KAZN: variants seen among roughly 807,000 people sequenced by gnomAD.
KAZN encodes the protein kazrin, periplakin interacting protein.
Under a neutral mutation model 87.4 loss-of-function variants are expected in KAZN, and 40 were observed. The observed-to-expected ratio is 0.46, with a 90% CI of 0.36 to 0.60. The LOEUF (loss-of-function observed/expected upper bound fraction) is 0.60. Among genes scored for constraint, KAZN ranks in the 20% least tolerant of loss-of-function variants. KAZN has a pLI of 0.00. For missense variants in KAZN, 898 were observed against 1,073.9 expected (o/e 0.84, Z 2.29); for synonymous variants, 466 against 458.3 (o/e 1.02, Z -0.22).
intron 1 of KAZN, among the ~76,000 whole-genome samples, chr1:14,742,411 T>C (rs1333487206): frequency 6.6e-6 from 1 of 152,208 alleles, no homozygotes; most frequent in African/African-American, 2.4e-5. Flanking sequence ...AACTACCATA[T>C]GCCAGAGATG....
chr1:13,984,366 G>C (rs1460731141), intron 1 of KAZN, among the ~76,000 whole-genome samples: 1 of 152,214 alleles, frequency 6.6e-6, no homozygotes, highest in African/African-American at 2.4e-5. Flanking sequence ...GCAATGGGCT[G>C]TTCTTTACTG....
intron 1 of KAZN, among the ~76,000 whole-genome samples, chr1:14,862,501 G>A (rs977417662): frequency 6.6e-6 from 1 of 152,166 alleles, no homozygotes; most frequent in Non-Finnish European, 1.5e-5. Flanking sequence ...TGCCAGTGGT[G>A]ACTTTCAAAC....
intron 1 of KAZN, among the ~76,000 whole-genome samples, chr1:14,615,256 G>A (rs1167432746): frequency 1.3e-5 from 2 of 152,190 alleles, no homozygotes; most frequent in Non-Finnish European, 2.9e-5. Flanking sequence ...GGAGGGAAGA[G>A]CAGCAGAGGA....
chr1:14,012,124 T>C (rs1417507305), intron 1 of KAZN, among the ~76,000 whole-genome samples: 1 of 151,566 alleles, frequency 6.6e-6, no homozygotes, highest in East Asian at 2.0e-4. Flanking sequence ...TAGGACTTTT[T>C]TGTATGGTTG....
chr1:14,534,557 A>G (rs190681395), intron 2 of KAZN, among the ~76,000 whole-genome samples: 2 of 152,262 alleles, frequency 1.3e-5, no homozygotes, highest in East Asian at 3.9e-4. Context: ...AGGCAGGAGA[A>G]TCACTTGAAC....
intron 2 of KAZN, among the ~76,000 whole-genome samples, chr1:14,419,007 G>C (rs1171850076): frequency 1.3e-5 from 2 of 152,166 alleles, no homozygotes; most frequent in African/African-American, 2.4e-5. Flanking sequence ...GGATACAACT[G>C]TCAACGAGTG....
chr1:14,678,885 A>T (rs1640401907), intron 1 of KAZN, among the ~76,000 whole-genome samples: 1 of 152,250 alleles, frequency 6.6e-6, no homozygotes, highest in Non-Finnish European at 1.5e-5. Flanking sequence ...AATAGGACCG[A>T]AAAAGGGCAT....
rs1033864746 is a variant in KAZN, at chr1:14,806,848, T to C, written c.227-153836T>C. Among the ~76,000 whole-genome samples, 74 of 152,182 alleles carry C rather than the reference T, an allele frequency of 4.9e-4. 1 individual carries two copies. Among genetic ancestry groups the C allele is most frequent in the African/African-American group, 1.7e-3 (72 of 41,442 alleles). ...ATCCAGATAGTCTGGGTAACATTTGTACCCACTCTGCAGGAGCATGTGGAA... is the reference window on the plus strand; with the variant it reads ...ATCCAGATAGTCTGGGTAACATTTGCACCCACTCTGCAGGAGCATGTGGAA... On this transcript the variant is annotated intron_variant, in intron 1 of 14. Coordinates refer to ENST00000376030, the MANE Select transcript of KAZN (RefSeq NM_201628.3).
intron 1 of KAZN, among the ~76,000 whole-genome samples, chr1:13,943,759 A>G (rs1251489849): frequency 6.6e-6 from 1 of 152,150 alleles, no homozygotes; most frequent in African/African-American, 2.4e-5. Flanking sequence ...TGGTATATAC[A>G]AATGGCTAAT....
At chr1:14,654,105 G>A (rs1638626898) in intron 1 of KAZN, among the ~76,000 whole-genome samples, 1 of 152,094 alleles carries the variant, frequency 6.6e-6, no homozygotes, top group Admixed American at 6.5e-5. Context: ...GGCCAACATG[G>A]TGAAACCCCT....
At chr1:14,170,878 T>C (rs991685331) in intron 1 of KAZN, among the ~76,000 whole-genome samples, 7 of 152,148 alleles carry the variant, frequency 4.6e-5, no homozygotes, top group Non-Finnish European at 1.0e-4. Flanking sequence ...CCTGCCACCA[T>C]GCCCAGCTGA....
chr1:14,154,997 T>TTCCTTCC (rs1570891584), intron 1 of KAZN, among the ~76,000 whole-genome samples: 3 of 65,762 alleles, frequency 4.6e-5, no homozygotes, highest in East Asian at 8.7e-4. Context: ...TTCCTTCCTT[T>TTCCTTCC]TTCTGATGTG....
intron 1 of KAZN, among the ~76,000 whole-genome samples, chr1:14,722,046 T>C (rs950850845): frequency 2.6e-5 from 4 of 151,874 alleles, no homozygotes; most frequent in Non-Finnish European, 5.9e-5. Flanking sequence ...TCTCAGCTAC[T>C]TGGGAGGCTG....
chr1:13,934,433 T>C (rs962267078), intron 1 of KAZN, among the ~76,000 whole-genome samples: 2 of 152,188 alleles, frequency 1.3e-5, no homozygotes, highest in Admixed American at 6.5e-5. Context: ...TTTAATGTCA[T>C]TGTGCTTTTG....
At chr1:14,097,979 G>A (rs1644165643) in intron 1 of KAZN, among the ~76,000 whole-genome samples, 1 of 152,042 alleles carries the variant, frequency 6.6e-6, no homozygotes, top group Non-Finnish European at 1.5e-5. Context: ...AATATGCCAA[G>A]CCATTTGGAG....
rs534929869 is a variant in KAZN at position 15,068,624 on chromosome 1, G to T, written c.1222+2871G>T. On this transcript the variant is annotated intron_variant, in intron 8 of 14. Coordinates refer to ENST00000376030, the MANE Select transcript of KAZN (RefSeq NM_201628.3). ...TCAGGGAGATAGAGAGGGAGCCACAGGCTTCCTTGATTGAAGCCAGAGTGA... is the reference window on the plus strand; with the variant it reads ...TCAGGGAGATAGAGAGGGAGCCACATGCTTCCTTGATTGAAGCCAGAGTGA... Among the ~76,000 whole-genome samples the T allele has an allele frequency of 9.2e-5, 14 of 152,066 alleles. 1 individual carries two copies. The South Asian group carries it at 2.5e-3, about 27-fold the overall frequency.
At chr1:14,608,068 A>G (rs1378909903) in intron 1 of KAZN, among the ~76,000 whole-genome samples, 1 of 152,230 alleles carries the variant, frequency 6.6e-6, no homozygotes, top group Non-Finnish European at 1.5e-5. Context: ...GAACAGAAAA[A>G]CAGGGGATTA....
At chr1:14,332,342 GGT>G (rs1037629979) in intron 2 of KAZN, among the ~76,000 whole-genome samples, 4 of 152,136 alleles carry the variant, frequency 2.6e-5, no homozygotes, top group African/African-American at 9.7e-5. Flanking sequence ...TTCTCCAGGA[GGT>G]GTGGAATTGC....
chr1:14,540,645 T>G (rs1249089388), intron 2 of KAZN, among the ~76,000 whole-genome samples: 2 of 152,180 alleles, frequency 1.3e-5, no homozygotes, highest in Admixed American at 1.3e-4. Flanking sequence ...GTTTTTAACA[T>G]AAAAAAGAGT....
Sources: gnomAD v4.1 joint callset for allele counts (sites outside exome capture counted in the v4.1 genomes callset) on GRCh38, gnomAD v4.1.1 for gene constraint, MANE v1.5 for transcripts, NCBI Gene and HGNC (gene_info 2026-07-23, HGNC 2026-07-21) for gene names.